ACSM3: variants seen among roughly 807,000 people sequenced by gnomAD.
The protein encoded by ACSM3 is acyl-CoA synthetase medium chain family member 3, also known as acyl-coenzyme A synthetase ACSM3, mitochondrial.
In ACSM3, 61 loss-of-function variants were observed where a neutral mutation model predicts 74.1. The ratio of observed to expected loss-of-function variants is 0.82; its 90% confidence interval spans 0.67 to 1.02. ACSM3 has a LOEUF of 1.02. Ranked by LOEUF, ACSM3 falls within the 50% of genes least tolerant of loss-of-function variation. The pLI is 0.00. For missense variants in ACSM3, 660 were observed against 697.0 expected (o/e 0.95, Z 0.60); for synonymous variants, 213 against 241.5 (o/e 0.88, Z 1.09).
chr16:20,685,776 C>T (rs1016239486), intron 1 of ACSM3, among the ~76,000 whole-genome samples: 14 of 142,358 alleles, frequency 9.8e-5, no homozygotes, highest in African/African-American at 3.2e-4. Flanking sequence ...GCCAAGATTG[C>T]ACCATTGCAC....
intron 1 of ACSM3, among the ~76,000 whole-genome samples, chr16:20,695,360 G>A (rs371720527): frequency 5.9e-5 from 9 of 152,124 alleles, no homozygotes; most frequent in South Asian, 4.1e-4. Flanking sequence ...CATTCAGCAC[G>A]GACAAGTATT....
At chr16:20,707,499 T>A (rs1340998799) in intron 1 of ACSM3, among the ~76,000 whole-genome samples, 1 of 152,080 alleles carries the variant, frequency 6.6e-6, no homozygotes, top group Non-Finnish European at 1.5e-5. Flanking sequence ...GCACCTGAAG[T>A]AGACCATCAG....
intron 1 of ACSM3, among the ~76,000 whole-genome samples, chr16:20,713,190 G>A (rs909495311): frequency 1.3e-5 from 2 of 152,110 alleles, no homozygotes; most frequent in Non-Finnish European, 2.9e-5. Context: ...TCATGGGGTT[G>A]TAGGAGAATC....
chr16:20,690,940 G>C, intron 1 of ACSM3: 3 of 1,545,878 alleles, frequency 1.9e-6, no homozygotes, highest in Non-Finnish European at 2.6e-6. Context: ...GTAGGAGCAA[G>C]ATAAGGAAAG....
At chr16:20,729,055 C>T (rs2079817199) in intron 1 of ACSM3, among the ~76,000 whole-genome samples, 1 of 152,214 alleles carries the variant, frequency 6.6e-6, no homozygotes, top group African/African-American at 2.4e-5. Context: ...CTGCAGTGAG[C>T]TATGATCAAG....
At chr16:20,707,009 TC>T (rs1251909769) in intron 1 of ACSM3, among the ~76,000 whole-genome samples, 1 of 152,068 alleles carries the variant, frequency 6.6e-6, no homozygotes, top group African/African-American at 2.4e-5. Flanking sequence ...GACTTGCCCA[TC>T]TATGCCACTG....
At chr16:20,742,897 G>A (rs1207816405) in intron 1 of ACSM3, among the ~76,000 whole-genome samples, 1 of 148,768 alleles carries the variant, frequency 6.7e-6, no homozygotes, top group African/African-American at 2.5e-5. Flanking sequence ...CCATTTACGT[G>A]GGATAAAGGT....
At chr16:20,689,128 C>G (rs1052839089) in intron 1 of ACSM3, among the ~76,000 whole-genome samples, 1 of 151,114 alleles carries the variant, frequency 6.6e-6, no homozygotes, top group Non-Finnish European at 1.5e-5. Flanking sequence ...TGGGATAGAA[C>G]TGTAAAGGGG....
At chr16:20,755,436 AT>A (rs1199221177) in intron 2 of ACSM3, 1 of 152,258 alleles carries the variant, frequency 6.6e-6, no homozygotes, top group African/African-American at 2.4e-5. Context: ...AATGAAAAAA[AT>A]ATATATCAGC....
chr16:20,683,287 TTTA>T (rs967456246), intron 1 of ACSM3, among the ~76,000 whole-genome samples: 2 of 151,864 alleles, frequency 1.3e-5, no homozygotes, highest in Admixed American at 6.6e-5. Context: ...CCAGCTATTT[TTTA>T]TTATTATTAT....
chr16:20,702,512 CG>C (rs1217205092), intron 1 of ACSM3, among the ~76,000 whole-genome samples: 1 of 152,172 alleles, frequency 6.6e-6, no homozygotes, highest in African/African-American at 2.4e-5. Flanking sequence ...TTCTGACTGA[CG>C]TGAGATGGTA....
At chr16:20,693,821 G>A (rs2079675626) in intron 1 of ACSM3, among the ~76,000 whole-genome samples, 1 of 152,164 alleles carries the variant, frequency 6.6e-6, no homozygotes, top group Non-Finnish European at 1.5e-5. Flanking sequence ...TTTCCCCAAA[G>A]TCATGATGCA....
Position 20,780,806 on chromosome 16 carries a change from T to C in ACSM3, c.731T>C (p.Met244Thr), listed in dbSNP as rs767542975. ...AGTGGAACAAGTGGATATCCGAAAA[T>C]GACTGCACACACCCACAGCAGTTTT... is the stretch of plus-strand genomic sequence containing the variant. Reference protein sequence around the residue: ...FTSGTSGYPKMTAHTHSSFGL... With the variant: ...FTSGTSGYPKTTAHTHSSFGL... The change falls in exon 5 of 14, where the codon ATG becomes ACG. Residue 244 changes from methionine to threonine, a missense_variant. Physicochemically the swap from Met to Thr is moderately conservative, Grantham distance 81 (BLOSUM62 -1). Coordinates refer to ENST00000289416, the MANE Select transcript of ACSM3 (RefSeq NM_005622.4). 1.9e-6 allele frequency: 3 copies of C among 1,614,058 alleles called. No homozygotes were observed. In the African/African-American group the frequency reaches 4.0e-5, roughly 22 times the overall value.
At chr16:20,739,069 A>G in intron 1 of ACSM3, 2 of 1,614,126 alleles carry the variant, frequency 1.2e-6, no homozygotes, top group Non-Finnish European at 1.7e-6. Context: ...CCTTGTCTGT[A>G]AACTGTTTGC....
At chr16:20,766,301 G>A (rs1338977849) in intron 1 of ACSM3, among the ~76,000 whole-genome samples, 1 of 135,676 alleles carries the variant, frequency 7.4e-6, no homozygotes, top group African/African-American at 2.8e-5. Context: ...ATAGGGGACC[G>A]GTTTAAGAAA....
At chr16:20,715,353 C>T (rs765734876) in intron 1 of ACSM3, among the ~76,000 whole-genome samples, 1 of 152,156 alleles carries the variant, frequency 6.6e-6, no homozygotes, top group Non-Finnish European at 1.5e-5. Context: ...TCTGTAATCC[C>T]AGCACTTTTG....
chr16:20,701,811 T>C (rs181342435), intron 1 of ACSM3, among the ~76,000 whole-genome samples: 5 of 152,304 alleles, frequency 3.3e-5, no homozygotes, highest in African/African-American at 7.2e-5. Context: ...TCTGTTCCTG[T>C]GTTAGTTTGC....
At chr16:20,742,833 C>T (rs2079940575) in intron 1 of ACSM3, among the ~76,000 whole-genome samples, 1 of 142,760 alleles carries the variant, frequency 7.0e-6, no homozygotes, top group Admixed American at 6.9e-5. Context: ...TTTCCCTTCT[C>T]CCCTTCCCAT....
In ACSM3 at chr16:20,786,087, T is replaced by C. The variant is rs2080468721; in HGVS notation, c.1153T>C (p.Cys385Arg). The C allele has an allele frequency of 6.3e-7, 1 of 1,592,366 alleles. No homozygotes were observed. The change falls in exon 9 of 14, where the codon TGT becomes CGT. Residue 385 changes from cysteine to arginine, a missense_variant. Cys to Arg is a radical substitution (Grantham distance 180, BLOSUM62 -3). Coordinates refer to ENST00000289416, the MANE Select transcript of ACSM3 (RefSeq NM_005622.4). ...TCTTCTTCTTAACTAGGTGCTAATCTGTGGAAATTTTAAGGGAATGAAAAT... is the reference window on the plus strand; with the variant it reads ...TCTTCTTCTTAACTAGGTGCTAATCCGTGGAAATTTTAAGGGAATGAAAAT... Reference protein sequence around the residue: ...GYGQTETVLICGNFKGMKIKP... With the variant: ...GYGQTETVLIRGNFKGMKIKP...
Sources: allele counts gnomAD v4.1 joint callset (sites outside exome capture counted in the v4.1 genomes callset), GRCh38; gene constraint gnomAD v4.1.1; transcripts MANE v1.5; gene names NCBI Gene and HGNC (gene_info 2026-07-23, HGNC 2026-07-21).